PALM2AKAP2: variants seen among roughly 807,000 people sequenced by gnomAD.
PALM2AKAP2 encodes the protein PALM2-AKAP2 fusion protein.
PALM2AKAP2 carries 37 observed loss-of-function variants against 71.5 expected under a neutral mutation model. The observed-to-expected ratio is 0.52, with a 90% CI of 0.40 to 0.68. PALM2AKAP2 has a LOEUF of 0.68. Ranked by LOEUF, PALM2AKAP2 falls within the 30% of genes least tolerant of loss-of-function variation. PALM2AKAP2 has a pLI of 0.00. For synonymous variants in PALM2AKAP2, 468 were observed against 478.8 expected (o/e 0.98, Z 0.29); for missense variants, 1,224 against 1,191.8 (o/e 1.03, Z -0.40).
At chr9:109,929,231 A>G (rs1185583465) in intron 5 of PALM2AKAP2, among the ~76,000 whole-genome samples, 1 of 148,730 alleles carries the variant, frequency 6.7e-6, no homozygotes, top group African/African-American at 2.5e-5. Context: ...CACACATGTG[A>G]CCAGTCCATG....
intron 7 of PALM2AKAP2, among the ~76,000 whole-genome samples, chr9:110,043,286 A>C (rs1183287846): frequency 6.6e-6 from 1 of 152,238 alleles, no homozygotes; most frequent in Non-Finnish European, 1.5e-5. Context: ...AAACAACTTT[A>C]AAAGTGTATA....
At chr9:109,801,200 C>A (rs1587920988) in intron 1 of PALM2AKAP2, among the ~76,000 whole-genome samples, 1 of 152,144 alleles carries the variant, frequency 6.6e-6, no homozygotes, top group Admixed American at 6.5e-5. Context: ...GGCTGTGGGT[C>A]CCTCCAGGGA....
chr9:109,862,758 T>C (rs1358764496), intron 1 of PALM2AKAP2: 2 of 439,232 alleles, frequency 4.6e-6, no homozygotes, highest in Non-Finnish European at 9.2e-6. Context: ...AATTGACAGA[T>C]GTTCATTAAA....
At chr9:109,669,251 G>GT (rs992156423) in intron 1 of PALM2AKAP2, among the ~76,000 whole-genome samples, 58 of 140,978 alleles carry the variant, frequency 4.1e-4, no homozygotes, top group Middle Eastern at 3.6e-3. Context: ...TCCTGAAAGT[G>GT]TTTTTTTTGT....
At chr9:109,762,209 G>C (rs539468750) in intron 1 of PALM2AKAP2, among the ~76,000 whole-genome samples, 6 of 151,786 alleles carry the variant, frequency 4.0e-5, no homozygotes, top group East Asian at 3.9e-4. Context: ...AGTTCCCAAA[G>C]AGGTCTTCAA....
chr9:109,872,170 C>T (rs564895172), intron 2 of PALM2AKAP2, among the ~76,000 whole-genome samples: 41 of 152,238 alleles, frequency 2.7e-4, no homozygotes, highest in African/African-American at 8.9e-4. Flanking sequence ...TGTAATATTT[C>T]ATAAGACAAG....
At chr9:109,707,833 G>A (rs896258208) in intron 1 of PALM2AKAP2, among the ~76,000 whole-genome samples, 1 of 152,146 alleles carries the variant, frequency 6.6e-6, no homozygotes, top group African/African-American at 2.4e-5. Flanking sequence ...CTTATTTAGT[G>A]ACTACTTTGT....
exon 2 of PALM2AKAP2, chr9:110,136,512 C>T (rs764283782): frequency 3.1e-6 from 5 of 1,613,912 alleles, no homozygotes; most frequent in South Asian, 2.2e-5. Flanking sequence ...GGCCTAAGCC[C>T]CCCTGTCCAC....
exon 2 of PALM2AKAP2, chr9:110,138,398 A>G (rs769596408): frequency 6.2e-6 from 10 of 1,614,244 alleles, no homozygotes; most frequent in East Asian, 2.2e-5. Flanking sequence ...GACTTTGTCC[A>G]TGATTGAGGA....
chr9:110,143,391 C>A (rs1836082215), intron 2 of PALM2AKAP2, among the ~76,000 whole-genome samples: 1 of 126,236 alleles, frequency 7.9e-6, no homozygotes, highest in African/African-American at 3.1e-5. Flanking sequence ...CATTGTACTC[C>A]AGGCTGGGCA....
rs1564315233 is a variant in PALM2AKAP2, at chr9:110,119,246, A to AG, written c.157-16880dup. On this transcript the variant is annotated intron_variant, in intron 1 of 3. Coordinates refer to ENST00000374525, the Ensembl canonical transcript of PALM2AKAP2. ...TAGGCCCAGCTGCTCGGGAGGCTGA[A>AG]GCAGGAGATTTGCTTGAACCCGGGA... is the stretch of plus-strand genomic sequence containing the variant. Among the ~76,000 whole-genome samples, 8 of 151,144 alleles carry AG rather than the reference A, an allele frequency of 5.3e-5. No individual in the cohort carries two copies. The East Asian group carries it at 1.4e-3, about 26-fold the overall frequency.
intron 6 of PALM2AKAP2, among the ~76,000 whole-genome samples, chr9:110,013,668 C>G (rs1391698646): frequency 6.6e-6 from 1 of 152,156 alleles, no homozygotes; most frequent in Non-Finnish European, 1.5e-5. Context: ...GAATTATAGC[C>G]AAACAGGTCT....
intron 5 of PALM2AKAP2, among the ~76,000 whole-genome samples, chr9:109,929,689 C>T (rs972551926): frequency 1.3e-5 from 2 of 151,644 alleles, no homozygotes; most frequent in Admixed American, 6.6e-5. Flanking sequence ...ACAGTGAAAC[C>T]CCATCTCTAC....
chr9:110,126,749 C>T lies in PALM2AKAP2; in HGVS notation c.157-9378C>T, dbSNP rs897446120. Among the ~76,000 whole-genome samples, 8 of 152,224 alleles carry T rather than the reference C, an allele frequency of 5.3e-5. 1 individual carries two copies. In the East Asian group the frequency reaches 1.5e-3, roughly 29 times the overall value. ...AGCTTCCTTCCTTTCCTCCCCTCCC[C>T]GCTGCTGACCCCCACCACACACACT... On this transcript the variant is annotated intron_variant, in intron 1 of 3. Coordinates refer to ENST00000374525, the Ensembl canonical transcript of PALM2AKAP2.
At chr9:110,132,985 G>T (rs909136166) in intron 1 of PALM2AKAP2, among the ~76,000 whole-genome samples, 1 of 152,122 alleles carries the variant, frequency 6.6e-6, no homozygotes, top group Non-Finnish European at 1.5e-5. Flanking sequence ...AATAATTTCT[G>T]ATTCAAAGAT....
chr9:110,031,862 A>G lies in PALM2AKAP2; in HGVS notation c.582+15823A>G, dbSNP rs565533280. ...AGTTCTGTTTGCGTTCATTCTTCCA[A>G]TGCAAAGCTGGAGTTTACCTAGTGG... On this transcript the variant is annotated intron_variant, in intron 7 of 9. Transcript: ENST00000302798. Among the ~76,000 whole-genome samples the G allele has an allele frequency of 1.4e-4, 21 of 152,240 alleles. 1 individual carries two copies. The South Asian group carries it at 2.7e-3, about 20-fold the overall frequency.
At chr9:109,997,739 T>C (rs1429141684) in intron 6 of PALM2AKAP2, among the ~76,000 whole-genome samples, 1 of 152,052 alleles carries the variant, frequency 6.6e-6, no homozygotes, top group Non-Finnish European at 1.5e-5. Flanking sequence ...CTGGTCCTCA[T>C]AGCTATCCTA....
chr9:109,663,523 C>G (rs1827433423), intron 1 of PALM2AKAP2, among the ~76,000 whole-genome samples: 1 of 152,166 alleles, frequency 6.6e-6, no homozygotes, highest in Non-Finnish European at 1.5e-5. Context: ...ATCCTGAGTT[C>G]TAATTTGATT....
intron 1 of PALM2AKAP2, among the ~76,000 whole-genome samples, chr9:109,751,812 G>A (rs1828889847): frequency 6.6e-6 from 1 of 152,148 alleles, no homozygotes; most frequent in Admixed American, 6.6e-5. Flanking sequence ...TAAAGAGCAG[G>A]AGGGAGAACT....
Sources: allele counts gnomAD v4.1 joint callset (sites outside exome capture counted in the v4.1 genomes callset), GRCh38; gene constraint gnomAD v4.1.1; transcripts MANE v1.5; gene names NCBI Gene and HGNC (gene_info 2026-07-23, HGNC 2026-07-21).